The following TAFA2 variants were observed in gnomAD, a reference collection of about 807,000 sequenced individuals.
TAFA2 encodes the protein TAFA chemokine like family member 2.
A neutral mutation model predicts 18.8 loss-of-function variants in TAFA2; 7 were observed. The ratio of observed to expected loss-of-function variants is 0.37; its 90% CI spans 0.21 to 0.70. The LOEUF is 0.70. TAFA2 is among the 30% of genes least tolerant of loss of function. The pLI, the probability that TAFA2 is intolerant of heterozygous loss-of-function variation, is 0.53. For synonymous variants in TAFA2, 60 were observed against 54.2 expected, an observed-to-expected ratio of 1.11 and a Z score of -0.47; for missense variants, 122 against 158.1, an observed-to-expected ratio of 0.77 and a Z score of 1.23.
At chr12:61,967,116 T>A (rs1173801524) in intron 1 of TAFA2, among the ~76,000 whole-genome samples, 1 of 151,834 alleles carries the variant, frequency 6.6e-6, no homozygotes, top group South Asian at 2.1e-4. Context: ...GATCTTTGCT[T>A]GTGGGTCAGG....
At chr12:62,035,900 C>A (rs1056399601) in intron 1 of TAFA2, among the ~76,000 whole-genome samples, 1 of 151,504 alleles carries the variant, frequency 6.6e-6, no homozygotes, top group African/African-American at 2.4e-5. Flanking sequence ...CGCCACCATG[C>A]CCGGCTAATT....
intron 1 of TAFA2, among the ~76,000 whole-genome samples, chr12:62,067,708 T>A (rs1030408835): frequency 2.6e-5 from 4 of 152,024 alleles, no homozygotes; most frequent in African/African-American, 9.7e-5. Context: ...CCATTTTAGT[T>A]ACTATACTTC....
At chr12:62,231,756 C>T (rs747715556) in intron 1 of TAFA2, among the ~76,000 whole-genome samples, 14 of 151,980 alleles carry the variant, frequency 9.2e-5, no homozygotes, top group South Asian at 2.1e-4. Flanking sequence ...AGAACGGATA[C>T]GTTATGTGGT....
chr12:61,986,158 CTTTTTTTTT>C (rs551223452), intron 1 of TAFA2, among the ~76,000 whole-genome samples: 3 of 65,836 alleles, frequency 4.6e-5, no homozygotes, highest in African/African-American at 6.4e-5. Flanking sequence ...CTAAGCTCTT[CTTTTTTTTT>C]TTTTTTTTTT....
chr12:61,868,663 G>T (rs904075415), intron 1 of TAFA2, among the ~76,000 whole-genome samples: 7 of 151,880 alleles, frequency 4.6e-5, no homozygotes, highest in Non-Finnish European at 8.8e-5. Context: ...AGGAGTCCTT[G>T]ACATTTTTTC....
intron 1 of TAFA2, among the ~76,000 whole-genome samples, chr12:61,920,302 G>A (rs914000373): frequency 6.6e-6 from 1 of 152,144 alleles, no homozygotes; most frequent in Non-Finnish European, 1.5e-5. Flanking sequence ...GCAGAAAGAA[G>A]CCATCTTGGA....
chr12:62,144,793 C>T (rs1159755593), intron 1 of TAFA2, among the ~76,000 whole-genome samples: 1 of 152,076 alleles, frequency 6.6e-6, no homozygotes, highest in Non-Finnish European at 1.5e-5. Flanking sequence ...TTTATTAAAC[C>T]ACTGCCTTCC....
chr12:62,181,235 G>C (rs1002704306), intron 1 of TAFA2, among the ~76,000 whole-genome samples: 2 of 151,552 alleles, frequency 1.3e-5, no homozygotes, highest in Non-Finnish European at 2.9e-5. Flanking sequence ...TTCTCCCTTC[G>C]GCATTGAAGA....
chr12:62,165,939 T>TCACACACACACACACACA (rs34593506), intron 1 of TAFA2, among the ~76,000 whole-genome samples: 1 of 139,364 alleles, frequency 7.2e-6, no homozygotes, highest in Admixed American at 7.3e-5. Flanking sequence ...TCTCTCTCTC[T>TCACACACACACACACACA]CACACACACA....
chr12:61,785,744 TATATATGACC>T (rs1459610337), intron 2 of TAFA2, among the ~76,000 whole-genome samples: 1 of 151,564 alleles, frequency 6.6e-6, no homozygotes, highest in African/African-American at 2.4e-5. Context: ...TAATGTCTTA[TATATATGACC>T]ATAAGCATGC....
chr12:62,204,647 G>A (rs1033835115), intron 1 of TAFA2, among the ~76,000 whole-genome samples: 1 of 152,070 alleles, frequency 6.6e-6, no homozygotes, highest in Non-Finnish European at 1.5e-5. Flanking sequence ...GTTGCAATGT[G>A]AAGTTCTTGT....
chr12:62,015,364 A>G (rs1254592058), intron 1 of TAFA2, among the ~76,000 whole-genome samples: 1 of 152,198 alleles, frequency 6.6e-6, no homozygotes. Context: ...ATTTAGGTGC[A>G]TATGCTTATA....
intron 1 of TAFA2, among the ~76,000 whole-genome samples, chr12:62,164,792 C>T (rs139250538): frequency 1.3e-5 from 2 of 152,148 alleles, no homozygotes; most frequent in Non-Finnish European, 2.9e-5. Flanking sequence ...ATAGAAAGGA[C>T]ATTGAGGATC....
chr12:61,850,253 T>A (rs1374444908), intron 2 of TAFA2, among the ~76,000 whole-genome samples: 1 of 152,064 alleles, frequency 6.6e-6, no homozygotes, highest in Non-Finnish European at 1.5e-5. Context: ...GACAAGCACT[T>A]CTCTAAGTAA....
intron 2 of TAFA2, among the ~76,000 whole-genome samples, chr12:61,770,962 A>G (rs1337360668): frequency 2.0e-5 from 3 of 152,110 alleles, no homozygotes; most frequent in Non-Finnish European, 2.9e-5. Flanking sequence ...CAGAATGGAT[A>G]AGAATTCACC....
intron 2 of TAFA2, among the ~76,000 whole-genome samples, chr12:61,782,979 T>C (rs940272239): frequency 1.3e-5 from 2 of 151,722 alleles, no homozygotes; most frequent in Non-Finnish European, 3.0e-5. Flanking sequence ...ATCATTTTTT[T>C]CCAGGAGGTT....
intron 1 of TAFA2, among the ~76,000 whole-genome samples, chr12:62,183,024 G>C (rs1324050072): frequency 2.6e-5 from 4 of 152,188 alleles, no homozygotes; most frequent in Admixed American, 6.5e-5. Flanking sequence ...CAAACACCTA[G>C]AGAGTGCTTT....
chr12:62,063,418 A>T (rs1414471010), intron 1 of TAFA2, among the ~76,000 whole-genome samples: 1 of 152,172 alleles, frequency 6.6e-6, no homozygotes, highest in African/African-American at 2.4e-5. Context: ...TTATTCATTT[A>T]TCTGTTAAAG....
chr12:62,153,538 C>T (rs977349565), intron 1 of TAFA2, among the ~76,000 whole-genome samples: 6 of 151,896 alleles, frequency 4.0e-5, no homozygotes, highest in South Asian at 2.1e-4. Context: ...GGTGTGATAA[C>T]GCGCAACTGT....
Sources: gnomAD v4.1 joint callset for allele counts (sites outside exome capture counted in the v4.1 genomes callset) on GRCh38, gnomAD v4.1.1 for gene constraint, MANE v1.5 for transcripts, NCBI Gene and HGNC (gene_info 2026-07-23, HGNC 2026-07-21) for gene names.